The following TRPM1 variants were observed in gnomAD, a reference collection of about 807,000 sequenced individuals.
TRPM1 encodes the protein TRPM1-203 APA Isoform, Intron 10.
Under a neutral mutation model 149.4 loss-of-function variants are expected in TRPM1, and 113 were observed. The observed-to-expected ratio is 0.76, with a 90% confidence interval of 0.65 to 0.88. The LOEUF (loss-of-function observed/expected upper bound fraction) is 0.88. Ranked by LOEUF, TRPM1 falls within the 40% of genes least tolerant of loss-of-function variation. The pLI is 0.00. For missense variants in TRPM1, 1,976 were observed against 2,038.7 expected, an observed-to-expected ratio of 0.97 and a Z score of 0.59; for synonymous variants, 741 against 759.5, an observed-to-expected ratio of 0.98 and a Z score of 0.40.
intron 4 of TRPM1, 40 bp downstream of exon 4, chr15:31,069,991 C>A (rs756972531): frequency 6.2e-7 from 1 of 1,614,152 alleles, no homozygotes; most frequent in East Asian, 2.2e-5. Flanking sequence ...CCAATGAAAG[C>A]TGTGATCCTA....
intron 1 of TRPM1, among the ~76,000 whole-genome samples, chr15:31,131,274 C>T (rs2077321): frequency 0.49 from 74,825 of 152,062 alleles, 18,996 homozygotes; most frequent in Middle Eastern, 0.55. Context: ...ACAGCCCCAA[C>T]GCGCAAAAGT....
At position 31,001,699 on chromosome 15, in the gene TRPM1, A is replaced by G; in HGVS notation, c.*123T>C. ...TTTTAGTGCATTAAATTGTAAATCA[A>G]GTCTGAATTTCCAAAATTTTTTAAG... On this transcript the variant is annotated 3_prime_UTR_variant, in exon 28 of 28. Transcript: ENST00000256552. 1.0e-6 allele frequency: 1 copy of G among 1,004,920 alleles called. No homozygotes were observed. The highest frequency in any genetic ancestry group is 1.4e-6 in the Non-Finnish European group (1 of 693,100). 62.3% of individuals were successfully genotyped at this position (1,004,920 alleles called of 1,614,324 possible).
intron 11 of TRPM1, among the ~76,000 whole-genome samples, chr15:31,057,073 T>C (rs2034104677): frequency 6.6e-6 from 1 of 152,200 alleles, no homozygotes; most frequent in Non-Finnish European, 1.5e-5. Context: ...AACGAAGGGA[T>C]GTCTGATGTA....
chr15:31,153,796 C>T (rs1356948033), intron 1 of TRPM1, among the ~76,000 whole-genome samples: 2 of 152,212 alleles, frequency 1.3e-5, no homozygotes, highest in African/African-American at 4.8e-5. Flanking sequence ...GCCTGTGTCA[C>T]GGGCATGTTA....
upstream of TRPM1, among the ~76,000 whole-genome samples, chr15:31,105,902 C>A (rs916495865): frequency 6.6e-6 from 1 of 152,192 alleles, no homozygotes; most frequent in Admixed American, 6.5e-5. Flanking sequence ...GAGCAAATAA[C>A]AATAGCACTA....
chr15:31,153,516 G>C (rs151327116), intron 1 of TRPM1, among the ~76,000 whole-genome samples: 1,722 of 152,148 alleles, frequency 0.011, 33 homozygotes, highest in African/African-American at 0.039. Flanking sequence ...GTAGAGACAG[G>C]GTTTCACCAT....
At position 31,002,333 on chromosome 15, in the gene TRPM1, G is replaced by A. The variant is rs61734297; in HGVS notation, c.4367C>T (p.Thr1456Ile). 1.4e-5 allele frequency: 23 copies of A among 1,614,190 alleles called. No homozygotes were observed. Among genetic ancestry groups the A allele is most frequent in the Non-Finnish European group, 1.9e-5 (23 of 1,180,026 alleles). Residue 1456 changes from threonine (T) to isoleucine (I), a missense_variant, in exon 28 of 28, where the codon ACA (threonine) becomes ATA (isoleucine). This residue lies in a region of TRPM1 where 572 missense variants were observed against 578.9 expected (regional missense o/e 0.99). Transcript: ENST00000256552. Reference protein sequence around the residue: ...FPDETINACKTMKSRSFVYSR... With the variant: ...FPDETINACKIMKSRSFVYSR... ...ATAGACGAAGCTTCTGGACTTCATT[G>A]TTTTACAAGCATTGATCGTTTCATC...
chr15:31,088,552 A>G (rs921007687), intron 1 of TRPM1, among the ~76,000 whole-genome samples: 2 of 152,206 alleles, frequency 1.3e-5, no homozygotes, highest in Non-Finnish European at 2.9e-5. Flanking sequence ...CACTTGCTGC[A>G]AAAGTCTGCG....
chr15:31,021,222 A>G (rs2032541409), intron 27 of TRPM1, among the ~76,000 whole-genome samples: 1 of 152,136 alleles, frequency 6.6e-6, no homozygotes, highest in African/African-American at 2.4e-5. Flanking sequence ...CCTTCTCTAC[A>G]TGCAAAGAAT....
intron 1 of TRPM1, among the ~76,000 whole-genome samples, chr15:31,145,703 G>T (rs1174385728): frequency 1.3e-5 from 2 of 152,156 alleles, no homozygotes; most frequent in Admixed American, 1.3e-4. Flanking sequence ...GTACATAGAT[G>T]AATACATCAG....
At chr15:31,098,622 G>C (rs544282382) in intron 1 of TRPM1, among the ~76,000 whole-genome samples, 7 of 152,064 alleles carry the variant, frequency 4.6e-5, no homozygotes, top group African/African-American at 1.7e-4. Context: ...CATGATTCCC[G>C]AGGAGCAAGC....
chr15:31,029,258 A>G, intron 24 of TRPM1, 113 bp downstream of exon 24: 1 of 1,192,632 alleles, frequency 8.4e-7, no homozygotes, highest in Non-Finnish European at 1.2e-6. Context: ...ACTGGCACCA[A>G]AAAACAAGAG....
At chr15:31,050,704 TACATGTGCACACCC>T in intron 11 of TRPM1, 122 bp from the exon 12 acceptor site, 1 of 1,057,632 alleles carries the variant, frequency 9.5e-7, no homozygotes, top group Admixed American at 1.8e-5. Flanking sequence ...GCACACAATG[TACATGTGCACACCC>T]ACACAGTGCA....
intron 1 of TRPM1, among the ~76,000 whole-genome samples, chr15:31,113,805 G>C (rs1043561108): frequency 3.3e-5 from 5 of 152,150 alleles, no homozygotes; most frequent in East Asian, 1.9e-4. Context: ...CCCACAGTTA[G>C]CAACAGCAAG....
intron 1 of TRPM1, among the ~76,000 whole-genome samples, chr15:31,135,369 CA>C (rs997771899): frequency 5.3e-5 from 8 of 151,988 alleles, no homozygotes; most frequent in African/African-American, 1.9e-4. Flanking sequence ...TAAACATCAT[CA>C]TGTTGAACAT....
intron 1 of TRPM1, among the ~76,000 whole-genome samples, chr15:31,122,719 G>A (rs1206722682): frequency 1.3e-5 from 2 of 152,078 alleles, no homozygotes; most frequent in African/African-American, 4.8e-5. Flanking sequence ...TTCATAGATA[G>A]GAAAACTCAA....
intron 3 of TRPM1, among the ~76,000 whole-genome samples, chr15:31,072,767 A>G (rs1453849719): frequency 6.6e-6 from 1 of 152,176 alleles, no homozygotes; most frequent in Non-Finnish European, 1.5e-5. Flanking sequence ...TCCCTGAAGA[A>G]TAAGGACATT....
Position 31,067,890 on chromosome 15 carries a change from C to A in TRPM1, c.482G>T (p.Gly161Val). The change falls in exon 5 of 28, where the codon GGT (glycine) becomes GTT (valine). Residue 161 changes from glycine to valine, a missense_variant. Coordinates refer to ENST00000256552, the MANE Select transcript of TRPM1 (RefSeq NM_001252024.2). ...MTTGAWIFTG[G>V]VSTGVISHVG... ...GGGCCTGCTCTTACCTGTGCTGACA[C>A]CCCCGGTGAAGATCCAGGCCCCGGT... 2 of 1,612,828 alleles carry A rather than the reference C, an allele frequency of 1.2e-6. No homozygotes were observed. Among genetic ancestry groups the A allele is most frequent in the Admixed American group, 1.7e-5 (1 of 60,020 alleles).
intron 1 of TRPM1, among the ~76,000 whole-genome samples, chr15:31,123,243 C>T (rs2035903224): frequency 6.6e-6 from 1 of 152,154 alleles, no homozygotes; most frequent in African/African-American, 2.4e-5. Flanking sequence ...TAGAAGATAT[C>T]ATAGGAGAAA....
Sources: allele counts gnomAD v4.1 joint callset (sites outside exome capture counted in the v4.1 genomes callset), GRCh38; gene constraint gnomAD v4.1.1; regional missense constraint gnomAD v4.1.1; transcripts MANE v1.5; gene names NCBI Gene and HGNC (gene_info 2026-07-23, HGNC 2026-07-21).